Variants in DMD observed in about 807,000 individuals in gnomAD.
DMD encodes dystrophin.
DMD carries 63 observed loss-of-function variants against 330.1 expected under a neutral mutation model. The observed-to-expected ratio is 0.19, with a 90% CI of 0.16 to 0.24. DMD has a LOEUF of 0.24. Ranked by LOEUF, DMD falls within the 10% of genes least tolerant of loss-of-function variation. DMD has a pLI of 1.00. For missense variants in DMD, 3,344 were observed against 2,684.1 expected (o/e 1.25, Z -5.43); for synonymous variants, 1,223 against 959.8 (o/e 1.27, Z -5.07).
At chrX:31,740,067 T>C (rs2087198658) in intron 51 of DMD, among the ~76,000 whole-genome samples, 1 of 111,122 alleles carries the variant, frequency 9.0e-6, no homozygotes, top group Non-Finnish European at 1.9e-5. Flanking sequence ...GAAAATGCCT[T>C]TCACTTTCAC....
At chrX:31,396,950 GC>G (rs753600775) in intron 60 of DMD, among the ~76,000 whole-genome samples, 138 of 111,495 alleles carry the variant, frequency 1.2e-3, no homozygotes, top group African/African-American at 4.1e-3. Context: ...GGCAGGTAAG[GC>G]ATCTTTATGT....
intron 27 of DMD, among the ~76,000 whole-genome samples, chrX:32,445,209 G>C (rs2148258563): frequency 9.0e-6 from 1 of 111,131 alleles, no homozygotes; most frequent in East Asian, 2.9e-4. Flanking sequence ...GGCCAATCTG[G>C]ATCCTCAACA....
At chrX:33,115,723 G>A (rs1015696030) in intron 1 of DMD, among the ~76,000 whole-genome samples, 6 of 108,898 alleles carry the variant, frequency 5.5e-5, no homozygotes, top group African/African-American at 1.7e-4. Flanking sequence ...CACTGTGTTA[G>A]CCAGGATGGT....
At chrX:31,989,906 C>T (rs1006103921) in intron 44 of DMD, among the ~76,000 whole-genome samples, 10 of 110,930 alleles carry the variant, frequency 9.0e-5, no homozygotes, top group African/African-American at 3.3e-4. Context: ...GATTCCATCA[C>T]CCAGATAGTG....
At chrX:32,010,098 T>C (rs945392224) in intron 44 of DMD, among the ~76,000 whole-genome samples, 7 of 111,949 alleles carry the variant, frequency 6.3e-5, no homozygotes, top group Non-Finnish European at 1.3e-4. Context: ...AGTGCTGTAA[T>C]TCCAGCAGCT....
At chrX:31,216,646 T>TA (rs1032923323) in intron 64 of DMD, among the ~76,000 whole-genome samples, 2 of 112,278 alleles carry the variant, frequency 1.8e-5, no homozygotes, top group African/African-American at 3.2e-5. Context: ...ATCCTGACAG[T>TA]AATGCTCTTG....
chrX:32,003,064 C>G (rs2095638357), intron 44 of DMD, among the ~76,000 whole-genome samples: 1 of 112,003 alleles, frequency 8.9e-6, no homozygotes. Flanking sequence ...CAAACAGGCA[C>G]TGTTTTTAAT....
At chrX:32,354,605 T>C (rs934899555) in intron 37 of DMD, among the ~76,000 whole-genome samples, 1 of 111,510 alleles carries the variant, frequency 9.0e-6, no homozygotes, top group African/African-American at 3.2e-5. Context: ...AACAAGAAAA[T>C]GTAAGAAATA....
intron 1 of DMD, among the ~76,000 whole-genome samples, chrX:33,306,346 G>T (rs1003405758): frequency 8.9e-6 from 1 of 111,951 alleles, no homozygotes; most frequent in African/African-American, 3.2e-5. Context: ...TGAAGAAGAT[G>T]TGGTTCCTGA....
intron 1 of DMD, among the ~76,000 whole-genome samples, chrX:33,201,340 C>G (rs1316556192): frequency 1.8e-5 from 2 of 111,861 alleles, no homozygotes; most frequent in Non-Finnish European, 3.8e-5. Flanking sequence ...CCATCACGAT[C>G]TCTGACATTA....
At chrX:31,516,837 C>T (rs1241488876) in intron 55 of DMD, among the ~76,000 whole-genome samples, 1 of 111,551 alleles carries the variant, frequency 9.0e-6, no homozygotes, top group African/African-American at 3.3e-5. Flanking sequence ...TCAGTATATT[C>T]CCAAGTGCAA....
intron 16 of DMD, among the ~76,000 whole-genome samples, chrX:32,553,076 G>A (rs1016204266): frequency 1.1e-4 from 12 of 111,784 alleles, no homozygotes; most frequent in Middle Eastern, 4.6e-3. Context: ...GGTATACCAA[G>A]AAGAATATAA....
At chrX:31,737,413 A>G (rs748613170) in intron 51 of DMD, among the ~76,000 whole-genome samples, 1 of 113,068 alleles carries the variant, frequency 8.8e-6, no homozygotes, top group Non-Finnish European at 1.9e-5. Flanking sequence ...GTTCATTCAA[A>G]GTGGGATGAG....
chrX:31,360,866 T>C (rs1052643959), intron 60 of DMD, among the ~76,000 whole-genome samples: 1 of 112,355 alleles, frequency 8.9e-6, no homozygotes, highest in East Asian at 2.8e-4. Flanking sequence ...GCAAAAACAA[T>C]GTATTTAACT....
chrX:31,338,519 T>C (rs1052171443), intron 61 of DMD, among the ~76,000 whole-genome samples: 6 of 109,643 alleles, frequency 5.5e-5, no homozygotes, highest in Non-Finnish European at 1.1e-4. Context: ...GGACAATTTG[T>C]TCTCCAGAGC....
chrX:32,863,786 C>T (rs111789000), intron 2 of DMD, among the ~76,000 whole-genome samples: 3,574 of 111,603 alleles, frequency 0.032, 155 homozygotes, highest in African/African-American at 0.11. Context: ...AATTACCCTA[C>T]GGTGCAGTTG....
intron 44 of DMD, among the ~76,000 whole-genome samples, chrX:32,015,739 A>G (rs2095755686): frequency 8.9e-6 from 1 of 112,019 alleles, no homozygotes; most frequent in African/African-American, 3.2e-5. Flanking sequence ...GGCAAAGGAC[A>G]TATATATTCT....
chrX:31,893,846 C>G (rs7892359), intron 47 of DMD, among the ~76,000 whole-genome samples: 16,019 of 110,887 alleles, frequency 0.14, 880 homozygotes, highest in Admixed American at 0.24. Flanking sequence ...GAGGGCCTTC[C>G]CTGAGTATCC....
intron 9 of DMD, among the ~76,000 whole-genome samples, chrX:32,689,656 A>C (rs1251552997): frequency 1.8e-5 from 2 of 110,635 alleles, no homozygotes; most frequent in Admixed American, 1.9e-4. Flanking sequence ...ATTCTCAACA[A>C]AATTCTGGCA....
Sources: allele counts gnomAD v4.1 joint callset (sites outside exome capture counted in the v4.1 genomes callset), GRCh38; gene constraint gnomAD v4.1.1; transcripts MANE v1.5; gene names NCBI Gene and HGNC (gene_info 2026-07-23, HGNC 2026-07-21).